HSPA13: variants seen among roughly 807,000 people sequenced by gnomAD.
HSPA13 encodes the protein heat shock protein family A (Hsp70) member 13.
In HSPA13, 29 loss-of-function variants were observed where a neutral mutation model predicts 38.8. The observed-to-expected ratio is 0.75, with a 90% CI of 0.56 to 1.02. HSPA13 has a LOEUF of 1.02. HSPA13 is among the 50% of genes least tolerant of loss of function. The pLI, the probability that HSPA13 is intolerant of heterozygous loss-of-function variation, is 0.00. For missense variants in HSPA13, 451 were observed against 560.9 expected (o/e 0.80, Z 1.98); for synonymous variants, 192 against 205.3 (o/e 0.94, Z 0.56).
rs1984077203 is a variant in HSPA13, at chr21:14,378,260, A to G, written c.519T>C (p.Ser173=). 6.2e-7 allele frequency: 1 copy of G among 1,614,188 alleles called. No homozygotes were observed. Among genetic ancestry groups the G allele is most frequent in the East Asian group, 2.2e-5 (1 of 44,874 alleles). ...LGMPVANAVI[S]VPAEFDLKQR... ...GTTTTAGATCAAATTCTGCTGGTAC[A>G]GAAATGACAGCATTGGCAACTGGCA... Residue 173 remains serine (S), a synonymous_variant, in exon 3 of 5, where the codon TCT becomes TCC. Coordinates refer to ENST00000285667, the MANE Select transcript of HSPA13 (RefSeq NM_006948.5).
In HSPA13 at chr21:14,375,767, A is replaced by G. The variant is rs1291462733; in HGVS notation, c.633T>C (p.Tyr211=). ...INEPTAAAMA[Y]GLHKADVFHV... ...GGAAGACGTCAGCCTTGTGGAGACC[A>G]TAGGCCATAGCTGCTGCTGTGGGTT... is the stretch of plus-strand genomic sequence containing the variant. Residue 211 remains tyrosine, a synonymous_variant, in exon 4 of 5, where the codon TAT becomes TAC. Coordinates refer to ENST00000285667, the MANE Select transcript of HSPA13 (RefSeq NM_006948.5). 2 of 1,614,104 alleles carry G rather than the reference A, an allele frequency of 1.2e-6. No homozygotes were observed. The highest frequency in any genetic ancestry group is 1.7e-4 in the Middle Eastern group (1 of 6,060).
chr21:14,372,802 A>G lies in HSPA13; in HGVS notation c.*815T>C, dbSNP rs572392619. 6.6e-6 allele frequency: 1 copy of G among 152,268 alleles called. No individual in the cohort carries two copies. The highest frequency in any genetic ancestry group is 2.1e-4 in the South Asian group (1 of 4,826). The allele number at this position is 152,268 out of a possible 1,614,324, so 9.4% of individuals were successfully genotyped here. A position where few individuals can be genotyped will look rare whatever the true frequency, so the allele number is the denominator to read the frequency against. ...AAAGGTCTCGGATAACAAAAATAAG[A>G]TAGCAATCATGGCTTTATTATGACA... On this transcript the variant is annotated 3_prime_UTR_variant, in exon 5 of 5. Coordinates refer to ENST00000285667, the MANE Select transcript of HSPA13 (RefSeq NM_006948.5).
Position 14,375,830 on chromosome 21 carries a change from G to C in HSPA13, c.581-11C>G, listed in dbSNP as rs769845364. 1.2e-6 allele frequency: 2 copies of C among 1,607,854 alleles called. No individual in the cohort carries two copies. The highest frequency in any genetic ancestry group is 1.7e-5 in the Admixed American group (1 of 59,400). ...TCAAAATCTTCAGTCCTGTAAGATTGGTTAAGGGAAGAAAAATTCATGAGA... is the reference window on the plus strand; with the variant it reads ...TCAAAATCTTCAGTCCTGTAAGATTCGTTAAGGGAAGAAAAATTCATGAGA... On this transcript the variant is annotated splice_polypyrimidine_tract_variant and intron_variant, in intron 3 of 4. Transcript: ENST00000285667.
Position 14,375,820 on chromosome 21 carries a change from C to T in HSPA13, c.581-1G>A, listed in dbSNP as rs776859272. 1 of 1,612,074 alleles carries T rather than the reference C, an allele frequency of 6.2e-7. No homozygotes were observed. Among genetic ancestry groups the T allele is most frequent in the Admixed American group, 1.7e-5 (1 of 59,850 alleles). On this transcript the variant is annotated splice_acceptor_variant, in intron 3 of 4. Transcript: ENST00000285667. LOFTEE classifies it high-confidence loss of function. ...TTTATTACCCTCAAAATCTTCAGTC[C>T]TGTAAGATTGGTTAAGGGAAGAAAA... is the stretch of plus-strand genomic sequence containing the variant.
rs550489760 is a variant in HSPA13, at chr21:14,373,449, C to A, written c.*168G>T. On this transcript the variant is annotated 3_prime_UTR_variant, in exon 5 of 5. Transcript: ENST00000285667. The stretch of plus-strand genomic sequence containing the variant: ...CAAAATCAAACAGGATCAATCTGGT[C>A]ACGTCTAATCCTAAGACAAAACACT... 6.7e-6 allele frequency: 4 copies of A among 596,328 alleles called. No homozygotes were observed. The East Asian group carries it at 1.1e-4, about 17-fold the overall frequency. 36.9% of individuals were successfully genotyped at this position (596,328 alleles called of 1,614,324 possible). A position where few individuals can be genotyped will look rare whatever the true frequency, so the allele number is the denominator to read the frequency against.
Position 14,381,308 on chromosome 21 carries a change from C to A in HSPA13, c.261G>T (p.Leu87=). 1 of 1,614,032 alleles carries A rather than the reference C, an allele frequency of 6.2e-7. No homozygotes were observed. Among genetic ancestry groups the A allele is most frequent in the Non-Finnish European group, 8.5e-7 (1 of 1,179,970 alleles). Reference sequence around the variant, plus strand: ...TTGTGTTTTGAGGATTTGAATCTGCCAGCTCTACGCTTTCATATCCCACAT... The same window carrying A: ...TTGTGTTTTGAGGATTTGAATCTGCAAGCTCTACGCTTTCATATCCCACAT... The part of the protein sequence containing the change: ...DVYVGYESVE[L]ADSNPQNTIY... The change falls in exon 2 of 5, where the codon CTG becomes CTT. Residue 87 remains leucine, a synonymous_variant. Coordinates refer to ENST00000285667, the MANE Select transcript of HSPA13 (RefSeq NM_006948.5).
At position 14,372,809 on chromosome 21, in the gene HSPA13, T is replaced by G. The variant is rs1568720966; in HGVS notation, c.*808A>C. On this transcript the variant is annotated 3_prime_UTR_variant, in exon 5 of 5. Coordinates refer to ENST00000285667, the MANE Select transcript of HSPA13 (RefSeq NM_006948.5). The stretch of plus-strand genomic sequence containing the variant: ...TCGGATAACAAAAATAAGATAGCAA[T>G]CATGGCTTTATTATGACATTAACAC... 2 of 152,112 alleles carry G rather than the reference T, an allele frequency of 1.3e-5. No individual in the cohort carries two copies. Among genetic ancestry groups the G allele is most frequent in the Non-Finnish European group, 2.9e-5 (2 of 67,982 alleles). The allele number at this position is 152,112 out of a possible 1,614,324, so 9.4% of individuals were successfully genotyped here.
rs1371896877 is a variant in HSPA13 at position 14,374,195 on chromosome 21, A to T, written c.838T>A (p.Ser280Thr). Residue 280 changes from serine to threonine, a missense_variant, in exon 5 of 5, where the codon TCT becomes ACT. By Grantham distance (58) the Ser-to-Thr change is moderately conservative (BLOSUM62 1). Coordinates refer to ENST00000285667, the MANE Select transcript of HSPA13 (RefSeq NM_006948.5). ...AATCTGTGGATTTCCTCTTTCCTAG[A>T]GGGCACGAAGCCATATGTTTGATAG... ...QIYQTYGFVP[S>T]RKEEIHRLRQ... 6.2e-7 allele frequency: 1 copy of T among 1,613,450 alleles called. No individual in the cohort carries two copies. The highest frequency in any genetic ancestry group is 8.5e-7 in the Non-Finnish European group (1 of 1,180,022).
rs1982896925 is a variant in HSPA13, at chr21:14,374,196, G to A, written c.837C>T (p.Pro279=). Residue 279 remains proline (P), a synonymous_variant, in exon 5 of 5, where the codon CCC becomes CCT. Coordinates refer to ENST00000285667, the MANE Select transcript of HSPA13 (RefSeq NM_006948.5). ...KQIYQTYGFV[P]SRKEEIHRLR... The stretch of plus-strand genomic sequence containing the variant: ...ATCTGTGGATTTCCTCTTTCCTAGA[G>A]GGCACGAAGCCATATGTTTGATAGA... 6.2e-7 allele frequency: 1 copy of A among 1,613,434 alleles called. No homozygotes were observed. The highest frequency in any genetic ancestry group is 1.1e-5 in the South Asian group (1 of 91,076).
In HSPA13 at chr21:14,373,912, T is replaced by C. The variant is rs1322880301; in HGVS notation, c.1121A>G (p.Asn374Ser). 1 of 1,614,096 alleles carries C rather than the reference T, an allele frequency of 6.2e-7. No homozygotes were observed. The highest frequency in any genetic ancestry group is 1.3e-5 in the African/African-American group (1 of 74,928). Reference sequence around the variant, plus strand: ...CAGTATTTTCTGAAAGAGGTCTTCATTAAGGGTATCAAAGAGTTTCCGTGA... The same window carrying C: ...CAGTATTTTCTGAAAGAGGTCTTCACTAAGGGTATCAAAGAGTTTCCGTGA... ...EISRKLFDTL[N>S]EDLFQKILVP... The change falls in exon 5 of 5, where the codon AAT becomes AGT. Residue 374 changes from asparagine (N) to serine (S), a missense_variant. Transcript: ENST00000285667.
At chr21:14,381,155 C>A in intron 2 of HSPA13, 48 bp downstream of exon 2, 1 of 1,379,318 alleles carries the variant, frequency 7.2e-7, no homozygotes. Flanking sequence ...AAAGCATTAA[C>A]TAAAAGAGTA....
intron 4 of HSPA13, among the ~76,000 whole-genome samples, chr21:14,374,834 C>CT (rs756718071): frequency 6.6e-6 from 1 of 152,098 alleles, no homozygotes; most frequent in Non-Finnish European, 1.5e-5. Flanking sequence ...TATTTAATCT[C>CT]TTTTTTTCCT....
chr21:14,378,051 C>A, intron 3 of HSPA13, 148 bp downstream of exon 3: 2 of 625,976 alleles, frequency 3.2e-6, no homozygotes, highest in Non-Finnish European at 5.6e-6. Flanking sequence ...TCAGTCCTGT[C>A]CCTCTAGAGA....
In HSPA13 at chr21:14,371,541, C is replaced by T. The variant is rs1234751755; in HGVS notation, c.*2076G>A. The T allele has an allele frequency of 6.6e-6, 1 of 151,942 alleles. No homozygotes were observed. The highest frequency in any genetic ancestry group is 1.5e-5 in the Non-Finnish European group (1 of 67,928). 9.4% of individuals were successfully genotyped at this position (151,942 alleles called of 1,614,324 possible). A position where few individuals can be genotyped will look rare whatever the true frequency, so the allele number is the denominator to read the frequency against. On this transcript the variant is annotated 3_prime_UTR_variant, in exon 5 of 5. Coordinates refer to ENST00000285667, the MANE Select transcript of HSPA13 (RefSeq NM_006948.5). Reference sequence around the variant, plus strand: ...CACTAAAATATGATTGAAGACATTCCTTCATTTTATTAAAGGTGTAGCTAT... The same window carrying T: ...CACTAAAATATGATTGAAGACATTCTTTCATTTTATTAAAGGTGTAGCTAT...
In HSPA13 at chr21:14,373,295, T is replaced by C. The variant is rs1001020582; in HGVS notation, c.*322A>G. The stretch of plus-strand genomic sequence containing the variant: ...CATAACTGGCACTACTTAATGTTTA[T>C]AGAATATAATGTTAAGTGCATATGG... On this transcript the variant is annotated 3_prime_UTR_variant, in exon 5 of 5. Transcript: ENST00000285667. 4 of 212,072 alleles carry C rather than the reference T, an allele frequency of 1.9e-5. No individual in the cohort carries two copies. The highest frequency in any genetic ancestry group is 2.9e-5 in the Non-Finnish European group (3 of 105,218). 13.1% of individuals were successfully genotyped at this position (212,072 alleles called of 1,614,324 possible). A position where few individuals can be genotyped will look rare whatever the true frequency, so the allele number is the denominator to read the frequency against.
intron 2 of HSPA13, among the ~76,000 whole-genome samples, chr21:14,378,675 G>A (rs147700673): frequency 1.8e-3 from 279 of 151,192 alleles, no homozygotes; most frequent in African/African-American, 6.4e-3. Context: ...GCTGGAGTGC[G>A]GTGGCATGAT....
Position 14,375,823 on chromosome 21 carries a change from T to C in HSPA13, c.581-4A>G. ...ATTACCCTCAAAATCTTCAGTCCTG[T>C]AAGATTGGTTAAGGGAAGAAAAATT... On this transcript the variant is annotated splice_polypyrimidine_tract_variant and splice_region_variant and intron_variant, in intron 3 of 4. Coordinates refer to ENST00000285667, the MANE Select transcript of HSPA13 (RefSeq NM_006948.5). 1 of 1,611,448 alleles carries C rather than the reference T, an allele frequency of 6.2e-7. No homozygotes were observed. The highest frequency in any genetic ancestry group is 8.5e-7 in the Non-Finnish European group (1 of 1,178,162).
Position 14,373,929 on chromosome 21 carries a change from T to C in HSPA13, c.1104A>G (p.Lys368=). The C allele has an allele frequency of 6.2e-7, 1 of 1,614,092 alleles. No homozygotes were observed. Among genetic ancestry groups the C allele is most frequent in the Non-Finnish European group, 8.5e-7 (1 of 1,180,018 alleles). The change falls in exon 5 of 5, where the codon AAA becomes AAG. Residue 368 remains lysine, a synonymous_variant. Transcript: ENST00000285667. The stretch of plus-strand genomic sequence containing the variant: ...GGTCTTCATTAAGGGTATCAAAGAG[T>C]TTCCGTGATATTTCTGTTTCAAATA... ...QVLFETEISR[K]LFDTLNEDLF...
At chr21:14,379,114 G>T (rs1290647547) in intron 2 of HSPA13, among the ~76,000 whole-genome samples, 2 of 151,930 alleles carry the variant, frequency 1.3e-5, no homozygotes, top group Non-Finnish European at 2.9e-5. Flanking sequence ...AAGAGTAATG[G>T]ATAGCTGAAA....
Sources: allele counts gnomAD v4.1 joint callset (sites outside exome capture counted in the v4.1 genomes callset), GRCh38; gene constraint gnomAD v4.1.1; transcripts MANE v1.5; gene names NCBI Gene and HGNC (gene_info 2026-07-23, HGNC 2026-07-21).